Variants in ZBTB7C observed in about 807,000 individuals in gnomAD.
ZBTB7C encodes zinc finger and BTB domain-containing protein 7C.
ZBTB7C carries 8 observed loss-of-function variants against 25.7 expected under a neutral mutation model. The observed-to-expected ratio is 0.31, with a 90% CI of 0.18 to 0.56. The LOEUF (loss-of-function observed/expected upper bound fraction) is 0.56, where lower values mean the gene tolerates loss of function less well. Among genes scored for constraint, ZBTB7C ranks in the 20% least tolerant of loss-of-function variants. ZBTB7C has a pLI of 0.91. For synonymous variants in ZBTB7C, 394 were observed against 369.0 expected, an observed-to-expected ratio of 1.07 and a Z score of -0.78; for missense variants, 824 against 855.2, an observed-to-expected ratio of 0.96 and a Z score of 0.46.
chr18:48,211,299 A>G (rs368453820), intron 2 of ZBTB7C, among the ~76,000 whole-genome samples: 1 of 152,202 alleles, frequency 6.6e-6, no homozygotes, highest in African/African-American at 2.4e-5. Flanking sequence ...TTTTAGATAC[A>G]ACACCAAAGG....
intron 1 of ZBTB7C, chr18:48,350,728 A>T (rs2046845733): frequency 6.6e-6 from 1 of 152,198 alleles, no homozygotes; most frequent in African/African-American, 2.4e-5. Context: ...TTGTGTTTCT[A>T]TCCCAAGAGG....
At chr18:48,329,973 C>T (rs560429648) in intron 2 of ZBTB7C, among the ~76,000 whole-genome samples, 3 of 152,332 alleles carry the variant, frequency 2.0e-5, no homozygotes, top group African/African-American at 7.2e-5. Flanking sequence ...GGGAGACTGT[C>T]ACCTTCCCCG....
chr18:48,112,260 CTTTTTTTT>C (rs1048802422), intron 3 of ZBTB7C, among the ~76,000 whole-genome samples: 21 of 120,052 alleles, frequency 1.7e-4, no homozygotes, highest in African/African-American at 6.4e-4. Context: ...TAATTTTTTT[CTTTTTTTT>C]TTTTTTTTTT....
intron 3 of ZBTB7C, among the ~76,000 whole-genome samples, chr18:48,161,929 C>T (rs2041066304): frequency 6.7e-6 from 1 of 149,610 alleles, no homozygotes; most frequent in Non-Finnish European, 1.5e-5. Flanking sequence ...ACCTCCCCAC[C>T]CGCCCGCCTC....
chr18:48,285,645 C>G (rs2045023700), intron 2 of ZBTB7C, among the ~76,000 whole-genome samples: 1 of 152,148 alleles, frequency 6.6e-6, no homozygotes, highest in Admixed American at 6.5e-5. Context: ...AGCCATTATG[C>G]CAAGCCAGCT....
intron 1 of ZBTB7C, among the ~76,000 whole-genome samples, chr18:48,347,415 T>C (rs2046765854): frequency 6.6e-6 from 1 of 152,184 alleles, no homozygotes; most frequent in Non-Finnish European, 1.5e-5. Context: ...AGTTGAGGCT[T>C]TCTTTTCCCT....
chr18:48,034,357 G>A (rs1191888914), intron 4 of ZBTB7C, among the ~76,000 whole-genome samples: 1 of 152,120 alleles, frequency 6.6e-6, no homozygotes, highest in Admixed American at 6.6e-5. Flanking sequence ...GTCCCCCAGT[G>A]CACAGCCCAC....
chr18:48,209,817 A>C (rs2042662408), intron 2 of ZBTB7C, among the ~76,000 whole-genome samples: 1 of 152,136 alleles, frequency 6.6e-6, no homozygotes, highest in Non-Finnish European at 1.5e-5. Context: ...ATAAAACATA[A>C]ATGGGACTTT....
intron 2 of ZBTB7C, among the ~76,000 whole-genome samples, chr18:48,217,955 G>C (rs745924876): frequency 1.2e-4 from 18 of 152,178 alleles, no homozygotes; most frequent in Non-Finnish European, 2.4e-4. Flanking sequence ...TACCAACTCA[G>C]TGTACCACAG....
At chr18:48,173,094 T>G (rs1376375625) in intron 3 of ZBTB7C, among the ~76,000 whole-genome samples, 2 of 152,236 alleles carry the variant, frequency 1.3e-5, no homozygotes, top group Admixed American at 1.3e-4. Context: ...CCCAAGATGT[T>G]GCCAGACAGG....
chr18:48,122,700 C>G (rs2039670863), intron 3 of ZBTB7C, among the ~76,000 whole-genome samples: 1 of 152,174 alleles, frequency 6.6e-6, no homozygotes, highest in Admixed American at 6.5e-5. Flanking sequence ...TGGGGAGTGG[C>G]CTTCCCAGTG....
chr18:48,055,781 A>C (rs2036892430), intron 3 of ZBTB7C, among the ~76,000 whole-genome samples: 1 of 151,962 alleles, frequency 6.6e-6, no homozygotes, highest in South Asian at 2.1e-4. Context: ...ACTCGACCCC[A>C]CTGCAGCTAC....
chr18:48,105,065 C>T (rs992970187), intron 3 of ZBTB7C, among the ~76,000 whole-genome samples: 8 of 152,230 alleles, frequency 5.3e-5, no homozygotes, highest in Non-Finnish European at 1.5e-5. Flanking sequence ...ATAGCTGCCC[C>T]CACGGGGTTA....
intron 3 of ZBTB7C, among the ~76,000 whole-genome samples, chr18:48,052,446 C>T (rs964326834): frequency 1.3e-5 from 2 of 151,942 alleles, no homozygotes; most frequent in Non-Finnish European, 2.9e-5. Context: ...CCACAGCTGG[C>T]TAGCCTCTGA....
At chr18:48,389,469 T>TC (rs1255532704) in intron 1 of ZBTB7C, among the ~76,000 whole-genome samples, 2 of 149,722 alleles carry the variant, frequency 1.3e-5, no homozygotes, top group Non-Finnish European at 3.0e-5. Context: ...GGATTTTTTT[T>TC]TTTTTTTTTT....
intron 3 of ZBTB7C, among the ~76,000 whole-genome samples, chr18:48,110,315 G>A (rs1157255424): frequency 1.4e-5 from 2 of 142,010 alleles, no homozygotes; most frequent in African/African-American, 2.8e-5. Flanking sequence ...CCATACTCTG[G>A]CCCTGCCCTA....
chr18:48,282,464 T>TA (rs573544425), intron 2 of ZBTB7C, among the ~76,000 whole-genome samples: 16 of 149,884 alleles, frequency 1.1e-4, no homozygotes, highest in Admixed American at 4.0e-4. Context: ...AGTATAATAA[T>TA]AAAAAAAAAA....
chr18:48,083,599 G>A (rs1053452520), intron 3 of ZBTB7C, among the ~76,000 whole-genome samples: 2 of 152,182 alleles, frequency 1.3e-5, no homozygotes, highest in Non-Finnish European at 2.9e-5. Flanking sequence ...CACTCACAGA[G>A]CCCTGTTTCC....
At chr18:48,084,504 G>T (rs879926859) in intron 3 of ZBTB7C, among the ~76,000 whole-genome samples, 1 of 152,198 alleles carries the variant, frequency 6.6e-6, no homozygotes, top group Admixed American at 6.5e-5. Flanking sequence ...TGACTCCACT[G>T]GGCATGTCTG....
Sources: gnomAD v4.1 joint callset for allele counts (sites outside exome capture counted in the v4.1 genomes callset) on GRCh38, gnomAD v4.1.1 for gene constraint, MANE v1.5 for transcripts, NCBI Gene and HGNC (gene_info 2026-07-23, HGNC 2026-07-21) for gene names.